TENM2: variants seen among roughly 807,000 people sequenced by gnomAD.
TENM2 encodes the protein teneurin transmembrane protein 2.
A neutral mutation model predicts 245.2 loss-of-function variants in TENM2; 52 were observed. That is an observed-to-expected ratio of 0.21 (90% CI 0.17 to 0.27). The LOEUF (loss-of-function observed/expected upper bound fraction) is 0.27, where lower values mean the gene tolerates loss of function less well. Ranked by LOEUF, TENM2 falls within the 10% of genes least tolerant of loss-of-function variation. TENM2 has a pLI of 1.00. For synonymous variants in TENM2, 1,363 were observed against 1,438.9 expected, an observed-to-expected ratio of 0.95 and a Z score of 1.19; for missense variants, 3,046 against 3,666.8, an observed-to-expected ratio of 0.83 and a Z score of 4.37.
chr5:168,066,639 T>G (rs896477245), intron 7 of TENM2, among the ~76,000 whole-genome samples: 1 of 152,180 alleles, frequency 6.6e-6, no homozygotes, highest in Non-Finnish European at 1.5e-5. Context: ...TATTATATAT[T>G]GAGCTTTAAA....
At chr5:167,681,640 C>T (rs988877120) in intron 2 of TENM2, among the ~76,000 whole-genome samples, 1 of 146,336 alleles carries the variant, frequency 6.8e-6, no homozygotes, top group Non-Finnish European at 1.5e-5. Context: ...TATATATGCC[C>T]ATGTTCTAAT....
chr5:167,217,740 T>TATAATAG, the TENM2 span, among the ~76,000 whole-genome samples: 3 of 147,734 alleles, frequency 2.0e-5, no homozygotes, highest in South Asian at 2.1e-4. Context: ...ATATATAATA[T>TATAATAG]ATGTGATATG....
chr5:167,882,992 A>G (rs1033748559), intron 3 of TENM2, among the ~76,000 whole-genome samples: 7 of 151,854 alleles, frequency 4.6e-5, no homozygotes. Flanking sequence ...AGGCTCCCCA[A>G]CTCCTCCTCT....
chr5:167,312,440 C>T (rs1163930225), intron 1 of TENM2, among the ~76,000 whole-genome samples: 2 of 152,112 alleles, frequency 1.3e-5, no homozygotes, highest in Non-Finnish European at 2.9e-5. Context: ...GCTCTTGCAT[C>T]ATAGTCCAAA....
intron 1 of TENM2, among the ~76,000 whole-genome samples, chr5:167,317,294 A>G (rs572925423): frequency 6.6e-6 from 1 of 151,802 alleles, no homozygotes; most frequent in Non-Finnish European, 1.5e-5. Flanking sequence ...ATTCTTATTC[A>G]TTTTTTAAAA....
At chr5:168,106,403 C>T (rs905068078) in intron 9 of TENM2, among the ~76,000 whole-genome samples, 1 of 152,150 alleles carries the variant, frequency 6.6e-6, no homozygotes, top group African/African-American at 2.4e-5. Flanking sequence ...CTATATACGC[C>T]AACCACCGTG....
At chr5:167,460,051 T>C (rs1766201892) in intron 2 of TENM2, among the ~76,000 whole-genome samples, 2 of 152,148 alleles carry the variant, frequency 1.3e-5, no homozygotes, top group Non-Finnish European at 2.9e-5. Context: ...ATATTTCCTC[T>C]TCCATTTCTA....
chr5:167,132,334 C>T, the TENM2 span, among the ~76,000 whole-genome samples: 1 of 152,154 alleles, frequency 6.6e-6, no homozygotes, highest in African/African-American at 2.4e-5. Context: ...CCTCCATCAC[C>T]ATGCAACATT....
the TENM2 span, among the ~76,000 whole-genome samples, chr5:166,995,812 C>T: frequency 2.6e-5 from 1 of 39,032 alleles, no homozygotes; most frequent in Non-Finnish European, 4.2e-5. Flanking sequence ...GAGACTCCAT[C>T]TCAAAAAAAA....
At chr5:167,270,321 A>G in the TENM2 span, among the ~76,000 whole-genome samples, 1 of 152,038 alleles carries the variant, frequency 6.6e-6, no homozygotes, top group East Asian at 1.9e-4. Context: ...TCATGGCCAG[A>G]TGGTAGTAGT....
chr5:168,181,056 G>A lies in TENM2; in HGVS notation c.2570-9281G>A, dbSNP rs576187697. 5.9e-5 allele frequency among the ~76,000 whole-genome samples: 9 copies of A among 152,292 alleles called. No individual in the cohort carries two copies. In the South Asian group the frequency reaches 1.7e-3, roughly 28 times the overall value. On this transcript the variant is annotated intron_variant, in intron 13 of 28. Coordinates refer to ENST00000518659, the Ensembl canonical transcript of TENM2. ...TTTAAAGCTTAGCCACTGGAAATAC[G>A]GTGCTCAGAGCAACAACATAGACAT...
At chr5:168,205,632 T>C (rs1173874741) in intron 19 of TENM2, among the ~76,000 whole-genome samples, 1 of 152,016 alleles carries the variant, frequency 6.6e-6, no homozygotes, top group Non-Finnish European at 1.5e-5. Flanking sequence ...GAGAAGTTGT[T>C]CAAAAGCCCT....
At chr5:168,007,748 A>G (rs1217731121) in intron 5 of TENM2, among the ~76,000 whole-genome samples, 2 of 152,228 alleles carry the variant, frequency 1.3e-5, no homozygotes, top group Non-Finnish European at 2.9e-5. Flanking sequence ...TTGTAGTCTT[A>G]ACAGTTCCTC....
intron 2 of TENM2, among the ~76,000 whole-genome samples, chr5:167,503,517 C>CT (rs35774602): frequency 0.54 from 78,629 of 146,466 alleles, 21,431 homozygotes; most frequent in South Asian, 0.72. Context: ...TAATGTCTTC[C>CT]TTTTTTTTTT....
chr5:167,596,448 A>G (rs775633657), intron 2 of TENM2, among the ~76,000 whole-genome samples: 1 of 152,178 alleles, frequency 6.6e-6, no homozygotes, highest in African/African-American at 2.4e-5. Context: ...ACATTGAGCT[A>G]GTTTCTATTG....
At chr5:167,329,389 C>A (rs868863365) in intron 1 of TENM2, among the ~76,000 whole-genome samples, 126 of 129,560 alleles carry the variant, frequency 9.7e-4, no homozygotes, top group East Asian at 9.0e-4. Flanking sequence ...ACTAAAAATA[C>A]AAAAAAAAAA....
In TENM2 at chr5:167,832,660, AAAG is replaced by A. The variant is rs1768609072; in HGVS notation, c.503-43317_503-43315del. On this transcript the variant is annotated intron_variant, in intron 2 of 28. Transcript: ENST00000518659. The stretch of plus-strand genomic sequence containing the variant: ...GTAAGGATGGGGAGAGGAAAACAGG[AAAG>A]AAGAAGAAAAGTAAAAGAGGAAATA... Among the ~76,000 whole-genome samples, 3 of 152,078 alleles carry A rather than the reference AAAG, an allele frequency of 2.0e-5. No individual in the cohort carries two copies. The South Asian group carries it at 6.2e-4, about 32-fold the overall frequency.
At chr5:168,053,360 A>T (rs1789271097) in intron 6 of TENM2, among the ~76,000 whole-genome samples, 1 of 152,182 alleles carries the variant, frequency 6.6e-6, no homozygotes, top group South Asian at 2.1e-4. Context: ...GGCATTAATA[A>T]TGAGATCCAA....
At chr5:167,837,235 A>G (rs898474765) in intron 2 of TENM2, among the ~76,000 whole-genome samples, 1 of 152,098 alleles carries the variant, frequency 6.6e-6, no homozygotes, top group Non-Finnish European at 1.5e-5. Context: ...CCCCTGTTGG[A>G]TATTAAATTT....
Sources: gnomAD v4.1 joint callset for allele counts (sites outside exome capture counted in the v4.1 genomes callset) on GRCh38, gnomAD v4.1.1 for gene constraint, MANE v1.5 for transcripts, NCBI Gene and HGNC (gene_info 2026-07-23, HGNC 2026-07-21) for gene names.